Variants in MEGF11 observed in about 807,000 individuals in gnomAD.
The protein encoded by MEGF11 is multiple EGF like domains 11.
Under a neutral mutation model 146.6 loss-of-function variants are expected in MEGF11, and 126 were observed. The ratio of observed to expected loss-of-function variants is 0.86; its 90% CI spans 0.74 to 1.00. The LOEUF (loss-of-function observed/expected upper bound fraction) is 1.00. Ranked by LOEUF, MEGF11 falls within the 50% of genes least tolerant of loss-of-function variation. MEGF11 has a pLI of 0.00. For missense variants in MEGF11, 1,509 were observed against 1,521.2 expected (o/e 0.99, Z 0.13); for synonymous variants, 532 against 583.4 (o/e 0.91, Z 1.27).
chr15:65,900,023 A>G (rs977061069), intron 24 of MEGF11, among the ~76,000 whole-genome samples: 6 of 152,160 alleles, frequency 3.9e-5, no homozygotes, highest in South Asian at 2.1e-4. Context: ...TTTGGGGAAG[A>G]TCACTGACTC....
intron 11 of MEGF11, 115 bp downstream of exon 11, chr15:65,930,708 C>T (rs902781000): frequency 7.5e-7 from 1 of 1,336,974 alleles, no homozygotes; most frequent in Non-Finnish European, 1.0e-6. Flanking sequence ...GCTCCCTGAC[C>T]TTGCATGTGG....
chr15:66,138,304 C>T (rs1030358440), intron 1 of MEGF11, among the ~76,000 whole-genome samples: 7 of 152,138 alleles, frequency 4.6e-5, no homozygotes, highest in Non-Finnish European at 8.8e-5. Context: ...CATCTGGCTG[C>T]GGTGAGACTG....
In MEGF11 at chr15:65,897,930, C is replaced by T. The variant is rs746893286; in HGVS notation, c.*4G>A. The stretch of plus-strand genomic sequence containing the variant: ...GCACACTGCAAGAGAGAAGCTTATC[C>T]CTCTTAAGATTGCTTGTCCTGGGAC... On this transcript the variant is annotated 3_prime_UTR_variant, in exon 26 of 26. Coordinates refer to ENST00000395614, the MANE Select transcript of MEGF11 (RefSeq NM_001385028.1). 3 of 1,612,434 alleles carry T rather than the reference C, an allele frequency of 1.9e-6. No homozygotes were observed. Among genetic ancestry groups the T allele is most frequent in the Admixed American group, 3.3e-5 (2 of 59,876 alleles).
chr15:65,918,098 T>G lies in MEGF11; in HGVS notation c.1958-4A>C, dbSNP rs1384592071. 1 of 1,613,698 alleles carries G rather than the reference T, an allele frequency of 6.2e-7. No individual in the cohort carries two copies. Among genetic ancestry groups the G allele is most frequent in the Non-Finnish European group, 8.5e-7 (1 of 1,179,876 alleles). On this transcript the variant is annotated splice_region_variant and splice_polypyrimidine_tract_variant and intron_variant, in intron 15 of 25. Coordinates refer to ENST00000395614, the MANE Select transcript of MEGF11 (RefSeq NM_001385028.1). ...CCAAAGTATCCTCCAGCACACACTGTGGGCACAGGGCAGCCTGGCACCCAT... is the reference window on the plus strand; with the variant it reads ...CCAAAGTATCCTCCAGCACACACTGGGGGCACAGGGCAGCCTGGCACCCAT...
At chr15:66,031,441 ACT>A (rs1369574378) in intron 5 of MEGF11, among the ~76,000 whole-genome samples, 2 of 151,750 alleles carry the variant, frequency 1.3e-5, no homozygotes, top group East Asian at 1.9e-4. Context: ...AGATCACTAC[ACT>A]CTCTCCCATG....
intron 4 of MEGF11, among the ~76,000 whole-genome samples, chr15:66,111,004 C>G (rs952878793): frequency 1.3e-5 from 2 of 152,128 alleles, no homozygotes; most frequent in African/African-American, 4.8e-5. Flanking sequence ...CCACAGGTTT[C>G]TCCTACTCAG....
At chr15:66,238,514 G>A (rs750687954) in intron 1 of MEGF11, among the ~76,000 whole-genome samples, 1 of 152,176 alleles carries the variant, frequency 6.6e-6, no homozygotes, top group Non-Finnish European at 1.5e-5. Flanking sequence ...CAGGAGCACC[G>A]CCTGGAGGCA....
intron 5 of MEGF11, among the ~76,000 whole-genome samples, chr15:66,034,945 T>A (rs759495022): frequency 6.6e-6 from 1 of 152,214 alleles, no homozygotes; most frequent in Non-Finnish European, 1.5e-5. Flanking sequence ...TGCCCTCTTG[T>A]CATGTGATGC....
chr15:66,109,648 G>A (rs545394404), intron 4 of MEGF11, among the ~76,000 whole-genome samples: 51 of 152,248 alleles, frequency 3.3e-4, no homozygotes, highest in Middle Eastern at 3.4e-3. Flanking sequence ...GTCACTCTCC[G>A]GCCGGCTGAG....
chr15:66,229,107 C>T (rs1159699989), intron 1 of MEGF11, among the ~76,000 whole-genome samples: 1 of 152,170 alleles, frequency 6.6e-6, no homozygotes, highest in African/African-American at 2.4e-5. Flanking sequence ...TTGTGTTCAC[C>T]ACTTGTCACC....
chr15:66,130,730 G>GAGGGAGGAAGGAAGGAATGA, intron 1 of MEGF11, among the ~76,000 whole-genome samples: 1 of 140,980 alleles, frequency 7.1e-6, no homozygotes, highest in Non-Finnish European at 1.5e-5. Flanking sequence ...AAGAGGGAGG[G>GAGGGAGGAAGGAAGGAATGA]AGGAAGGAAG....
chr15:66,062,001 G>C (rs2084926295), intron 5 of MEGF11, among the ~76,000 whole-genome samples: 1 of 152,204 alleles, frequency 6.6e-6, no homozygotes, highest in Non-Finnish European at 1.5e-5. Flanking sequence ...CTCAAGTGAT[G>C]CTCCTGCCTT....
At chr15:66,094,571 C>T (rs1456996525) in intron 4 of MEGF11, 77 bp from the exon 5 acceptor site, 1 of 1,281,750 alleles carries the variant, frequency 7.8e-7, no homozygotes, top group African/African-American at 1.5e-5. Flanking sequence ...GAGCATAATC[C>T]ATTTTGTCAC....
chr15:65,999,325 T>C (rs2141824121), intron 5 of MEGF11, among the ~76,000 whole-genome samples: 1 of 152,252 alleles, frequency 6.6e-6, no homozygotes, highest in Non-Finnish European at 1.5e-5. Context: ...CCACTGCACC[T>C]GCCCGGTATC....
chr15:66,086,695 C>A (rs915667354), intron 5 of MEGF11, among the ~76,000 whole-genome samples: 1 of 152,134 alleles, frequency 6.6e-6, no homozygotes, highest in African/African-American at 2.4e-5. Context: ...GGAAACACAT[C>A]AAAACAGAAT....
intron 1 of MEGF11, among the ~76,000 whole-genome samples, chr15:66,155,262 C>T (rs571936025): frequency 9.1e-4 from 138 of 151,334 alleles, no homozygotes; most frequent in African/African-American, 3.1e-3. Context: ...ATGCCCCCCA[C>T]CCCCCGCTAT....
chr15:65,974,340 C>T (rs979196087), intron 7 of MEGF11, among the ~76,000 whole-genome samples: 2 of 151,876 alleles, frequency 1.3e-5, no homozygotes, highest in African/African-American at 4.8e-5. Context: ...TGAGAGAATG[C>T]GTGTGTGTGA....
At position 66,124,016 on chromosome 15, in the gene MEGF11, G is replaced by T; in HGVS notation, c.99-16C>A. On this transcript the variant is annotated splice_polypyrimidine_tract_variant and intron_variant, in intron 2 of 25. Coordinates refer to ENST00000395614, the MANE Select transcript of MEGF11 (RefSeq NM_001385028.1). ...CACAGCATAGCTGAGAACCAGATGG[G>T]AGATAGGAGCCATGATTAGCACTTG... 1 of 1,598,910 alleles carries T rather than the reference G, an allele frequency of 6.3e-7. No homozygotes were observed. The highest frequency in any genetic ancestry group is 8.6e-7 in the Non-Finnish European group (1 of 1,166,170).
chr15:66,037,739 G>T (rs1471260297), intron 5 of MEGF11, among the ~76,000 whole-genome samples: 8 of 152,196 alleles, frequency 5.3e-5, no homozygotes, highest in Non-Finnish European at 1.0e-4. Flanking sequence ...TATTAGACTA[G>T]ATTTTCCCTA....
Sources: allele counts gnomAD v4.1 joint callset (sites outside exome capture counted in the v4.1 genomes callset), GRCh38; gene constraint gnomAD v4.1.1; transcripts MANE v1.5; gene names NCBI Gene and HGNC (gene_info 2026-07-23, HGNC 2026-07-21).